EFHC2: variants seen among roughly 807,000 people sequenced by gnomAD.
The protein encoded by EFHC2 is EF-hand domain-containing family member C2.
EFHC2 carries 18 observed loss-of-function variants against 52.7 expected under a neutral mutation model. That is an observed-to-expected ratio of 0.34 (90% CI 0.24 to 0.51). EFHC2 has a LOEUF of 0.51. EFHC2 is among the 20% of genes least tolerant of loss of function. The pLI is 0.97. For synonymous variants in EFHC2, 203 were observed against 204.1 expected (o/e 0.99, Z 0.04); for missense variants, 513 against 562.5 (o/e 0.91, Z 0.89).
At chrX:44,154,933 A>G (rs1253877998) in intron 14 of EFHC2, among the ~76,000 whole-genome samples, 5 of 111,570 alleles carry the variant, frequency 4.5e-5, no homozygotes, top group Non-Finnish European at 9.4e-5. Flanking sequence ...ATTTATCAAA[A>G]TTAAGAATAT....
Position 44,343,549 on chromosome X carries a change from T to A in EFHC2, c.40A>T (p.Asn14Tyr), listed in dbSNP as rs748780218. The A allele has an allele frequency of 9.2e-6, 11 of 1,196,238 alleles. No individual in the cohort carries two copies. In the South Asian group the frequency reaches 1.8e-4, roughly 20 times the overall value. The change falls in exon 1 of 15, where the codon AAC (asparagine) becomes TAC (tyrosine). Residue 14 changes from asparagine to tyrosine, a missense_variant and splice_region_variant. Coordinates refer to ENST00000420999, the MANE Select transcript of EFHC2 (RefSeq NM_025184.4). ...PLLPGNSFNR[N>Y]VGKEKFHKSQ... ...CCTCGGACGCCCTTCCTACTCACGT[T>A]GCGGTTGAAGCTGTTGCCCGGCAGC... is the stretch of plus-strand genomic sequence containing the variant.
chrX:44,272,625 G>A lies in EFHC2; in HGVS notation c.382+61C>T, dbSNP rs2037625579. On this transcript the variant is annotated intron_variant, in intron 3 of 14. Transcript: ENST00000420999. ...GCAGTCTTTTGAAAAGCTAAAGGCA[G>A]GCAGTATATAAAGGCAGGAGTCAGA... 4 of 1,098,434 alleles carry A rather than the reference G, an allele frequency of 3.6e-6. No homozygotes were observed. The Admixed American group carries it at 9.5e-5, about 26-fold the overall frequency. 90.5% of individuals were successfully genotyped at this position (1,098,434 alleles called of 1,213,427 possible). A position where few individuals can be genotyped will look rare whatever the true frequency, so the allele number is the denominator to read the frequency against.
At chrX:44,152,016 T>C (rs187405016) in intron 14 of EFHC2, among the ~76,000 whole-genome samples, 116 of 111,895 alleles carry the variant, frequency 1.0e-3, no homozygotes, top group African/African-American at 3.6e-3. Context: ...GAGAACTAAG[T>C]ACCAGCATCT....
At chrX:44,241,006 A>G (rs1297487545) in intron 8 of EFHC2, among the ~76,000 whole-genome samples, 2 of 111,803 alleles carry the variant, frequency 1.8e-5, no homozygotes, top group East Asian at 5.6e-4. Flanking sequence ...ATACAACATA[A>G]CTACTGTTCT....
At chrX:44,266,692 C>T (rs1026909671) in intron 3 of EFHC2, among the ~76,000 whole-genome samples, 3 of 111,002 alleles carry the variant, frequency 2.7e-5, no homozygotes, top group African/African-American at 9.8e-5. Flanking sequence ...ATACTAAAAA[C>T]TTCATTGCTT....
intron 10 of EFHC2, among the ~76,000 whole-genome samples, chrX:44,231,828 G>A (rs887510426): frequency 5.4e-5 from 6 of 111,981 alleles, no homozygotes; most frequent in Non-Finnish European, 9.4e-5. Context: ...AAACATGTTT[G>A]TACACCGAAC....
At chrX:44,256,480 A>G (rs898932159) in intron 4 of EFHC2, among the ~76,000 whole-genome samples, 2 of 112,053 alleles carry the variant, frequency 1.8e-5, no homozygotes, top group Non-Finnish European at 1.9e-5. Context: ...TCCCACAGAA[A>G]TACAAACTAC....
Position 44,232,604 on chromosome X carries a change from T to C in EFHC2, c.1497A>G (p.Leu499=). 5.0e-6 allele frequency: 6 copies of C among 1,197,638 alleles called. No individual in the cohort carries two copies. The highest frequency in any genetic ancestry group is 6.8e-6 in the Non-Finnish European group (6 of 887,829). ...GCTCCTCGGCCTTGATATATTCAGA[T>C]AGTTCACTTTTAAAGACTTCTTGTC... ...KPGQEVFKSE[L]SEYIKAEELY... is the part of the protein sequence containing the mutation. Residue 499 remains leucine (L), a synonymous_variant, in exon 10 of 15, where the codon CTA becomes CTG. Transcript: ENST00000420999.
rs945933300 is a variant in EFHC2 at position 44,310,468 on chromosome X, G to A, written c.231+2100C>T. 8.8e-6 allele frequency: 6 copies of A among 685,408 alleles called. No homozygotes were observed. The Admixed American group carries it at 1.1e-4, about 13-fold the overall frequency. 56.5% of individuals were successfully genotyped at this position (685,408 alleles called of 1,213,427 possible). A position where few individuals can be genotyped will look rare whatever the true frequency, so the allele number is the denominator to read the frequency against. On this transcript the variant is annotated intron_variant, in intron 2 of 14. Coordinates refer to ENST00000420999, the MANE Select transcript of EFHC2 (RefSeq NM_025184.4). ...TAATGTGCAGCAGCGGGACGCGGAC[G>A]GAGAGCATGGTGGTAGCGCGGCAAA... is the stretch of plus-strand genomic sequence containing the variant.
intron 4 of EFHC2, 138 bp from the exon 5 acceptor site, chrX:44,250,583 G>A (rs1489414545): frequency 5.2e-5 from 38 of 734,016 alleles, no homozygotes; most frequent in Non-Finnish European, 6.9e-5. Flanking sequence ...CCAGCATTTT[G>A]GGAGGCCAAG....
In EFHC2 at chrX:44,211,894, TG is replaced by T. The variant is rs201986239; in HGVS notation, c.1751+17754del. On this transcript the variant is annotated intron_variant, in intron 11 of 14. Coordinates refer to ENST00000420999, the MANE Select transcript of EFHC2 (RefSeq NM_025184.4). ...AAAAAAAAAAAAAAAAAGAACAAAC[TG>T]AAAAATCAAGAACTCTTCTTAGATC... is the stretch of plus-strand genomic sequence containing the variant. Among the ~76,000 whole-genome samples the T allele has an allele frequency of 6.8e-3, 677 of 99,454 alleles. 2 individuals carry two copies. Among genetic ancestry groups the T allele is most frequent in the Middle Eastern group, 0.016 (3 of 187 alleles). The allele number at this position is 99,454 out of a possible 115,157, so 86.4% of individuals were successfully genotyped here.
chrX:44,301,331 C>T (rs779930121), intron 2 of EFHC2, among the ~76,000 whole-genome samples: 9 of 109,330 alleles, frequency 8.2e-5, no homozygotes, highest in Non-Finnish European at 1.5e-4. Context: ...ACTCCCCCCC[C>T]GACCAAATTA....
At chrX:44,240,095 G>C in intron 8 of EFHC2, among the ~76,000 whole-genome samples, 2 of 111,974 alleles carry the variant, frequency 1.8e-5, no homozygotes. Flanking sequence ...TCAATTCACA[G>C]TTTATTTGTA....
At chrX:44,219,001 C>T (rs1218047590) in intron 11 of EFHC2, among the ~76,000 whole-genome samples, 1 of 110,602 alleles carries the variant, frequency 9.0e-6, no homozygotes, top group Non-Finnish European at 1.9e-5. Context: ...TTGAATGCTA[C>T]TCAGTAATAT....
intron 11 of EFHC2, among the ~76,000 whole-genome samples, chrX:44,223,505 C>CTT (rs5902343): frequency 0.033 from 3,486 of 104,254 alleles, 159 homozygotes; most frequent in African/African-American, 0.12. Flanking sequence ...TAATAAATTC[C>CTT]TTTTTTTTTT....
chrX:44,182,656 C>T (rs770344451), intron 11 of EFHC2, among the ~76,000 whole-genome samples: 27 of 112,063 alleles, frequency 2.4e-4, no homozygotes, highest in African/African-American at 8.7e-4. Context: ...GATCTCAGTA[C>T]TTCTTGACCA....
chrX:44,303,893 T>A (rs919099782), intron 2 of EFHC2, among the ~76,000 whole-genome samples: 1 of 112,125 alleles, frequency 8.9e-6, no homozygotes, highest in Non-Finnish European at 1.9e-5. Flanking sequence ...GCATATCCCA[T>A]AAGATCAACT....
chrX:44,253,322 G>C (rs1391033185), intron 4 of EFHC2, among the ~76,000 whole-genome samples: 1 of 110,130 alleles, frequency 9.1e-6, no homozygotes, highest in Non-Finnish European at 1.9e-5. Context: ...GGAAGCCAGG[G>C]AGCCAAGTGG....
chrX:44,186,150 A>C (rs891371141), intron 11 of EFHC2, among the ~76,000 whole-genome samples: 2 of 111,724 alleles, frequency 1.8e-5, no homozygotes, highest in Non-Finnish European at 3.8e-5. Flanking sequence ...ACTAGACTTC[A>C]GGCCTGTTTA....
Sources: allele counts gnomAD v4.1 joint callset (sites outside exome capture counted in the v4.1 genomes callset), GRCh38; gene constraint gnomAD v4.1.1; transcripts MANE v1.5; gene names NCBI Gene and HGNC (gene_info 2026-07-23, HGNC 2026-07-21).